RP1: variants seen among roughly 807,000 people sequenced by gnomAD.
The protein encoded by RP1 is oxygen-regulated protein 1.
Under a neutral mutation model 14.8 loss-of-function variants are expected in RP1, and 16 were observed. The observed-to-expected ratio is 1.08, with a 90% CI of 0.73 to 1.65. The LOEUF is 1.65. Ranked by LOEUF, RP1 falls within the 40% of genes most tolerant of loss-of-function variation. RP1 has a pLI of 0.00. For missense variants in RP1, 2,631 were observed against 2,535.0 expected, an observed-to-expected ratio of 1.04 and a Z score of -0.81; for synonymous variants, 876 against 883.6, an observed-to-expected ratio of 0.99 and a Z score of 0.15.
At chr8:54,599,300 T>A (rs1000377884) in intron 1 of RP1, among the ~76,000 whole-genome samples, 2 of 152,182 alleles carry the variant, frequency 1.3e-5, no homozygotes, top group Non-Finnish European at 2.9e-5. Context: ...TCCATTTGGT[T>A]CTTCTTTATA....
At chr8:54,812,421 G>A (rs1003495413) in intron 24 of RP1, among the ~76,000 whole-genome samples, 9 of 152,128 alleles carry the variant, frequency 5.9e-5, no homozygotes, top group Admixed American at 3.9e-4. Context: ...GATTACAGGC[G>A]TGAGCCACTG....
chr8:54,584,099 T>C (rs1276415560), intron 1 of RP1, among the ~76,000 whole-genome samples: 1 of 152,186 alleles, frequency 6.6e-6, no homozygotes, highest in Non-Finnish European at 1.5e-5. Context: ...TGTTAGGGTG[T>C]CAATTTTAGA....
At chr8:54,809,343 G>A (rs952792742) in intron 24 of RP1, among the ~76,000 whole-genome samples, 2 of 152,162 alleles carry the variant, frequency 1.3e-5, no homozygotes, top group African/African-American at 4.8e-5. Flanking sequence ...ATCTGTGGGA[G>A]TTATGTATAT....
intron 24 of RP1, among the ~76,000 whole-genome samples, chr8:54,807,992 C>T (rs986507475): frequency 3.4e-5 from 5 of 146,766 alleles, no homozygotes; most frequent in African/African-American, 1.0e-4. Flanking sequence ...AAAAAAAAAA[C>T]ACCTTCTCAG....
chr8:54,854,742 G>A (rs1425143537), intron 26 of RP1, among the ~76,000 whole-genome samples: 1 of 152,142 alleles, frequency 6.6e-6, no homozygotes, highest in Non-Finnish European at 1.5e-5. Context: ...GCAGGCGCCT[G>A]TAGTCTCAGC....
exon 5 of RP1, chr8:54,652,844 C>T (rs1806683806): frequency 1.3e-5 from 20 of 1,535,560 alleles, no homozygotes; most frequent in Non-Finnish European, 1.6e-5. Context: ...TCTGGATCCT[C>T]CCCTTCCTGG....
chr8:54,870,807 A>G (rs1178091537), exon 29 of RP1: 1 of 152,128 alleles, frequency 6.6e-6, no homozygotes, highest in African/African-American at 2.4e-5. Context: ...CATCACCCAC[A>G]TTTTGCAGAT....
At chr8:54,764,957 A>C (rs558498533) in intron 22 of RP1, among the ~76,000 whole-genome samples, 1 of 152,234 alleles carries the variant, frequency 6.6e-6, no homozygotes, top group East Asian at 1.9e-4. Flanking sequence ...TTTTTAAGCA[A>C]AATGCAGTTT....
chr8:54,701,263 C>T (rs1808009340), intron 13 of RP1, among the ~76,000 whole-genome samples: 1 of 152,096 alleles, frequency 6.6e-6, no homozygotes, highest in Non-Finnish European at 1.5e-5. Flanking sequence ...TTCCAACATT[C>T]TTCCATGGAT....
chr8:54,605,768 G>C (rs1362748430), intron 1 of RP1, among the ~76,000 whole-genome samples: 1 of 152,160 alleles, frequency 6.6e-6, no homozygotes, highest in Admixed American at 6.5e-5. Flanking sequence ...TCTTCTTGTT[G>C]AATTGATCCC....
At chr8:54,670,534 CAT>C (rs1293066560) in intron 7 of RP1, among the ~76,000 whole-genome samples, 2 of 101,462 alleles carry the variant, frequency 2.0e-5, no homozygotes, top group South Asian at 2.9e-4. Flanking sequence ...TATATATATA[CAT>C]ATATATGTAT....
At chr8:54,659,588 C>A (rs1054196220) in intron 6 of RP1, among the ~76,000 whole-genome samples, 3 of 152,134 alleles carry the variant, frequency 2.0e-5, no homozygotes, top group South Asian at 2.1e-4. Context: ...ATTAGTCTGT[C>A]TATCTTTATC....
chr8:54,859,462 T>C (rs532446398), intron 27 of RP1, among the ~76,000 whole-genome samples: 1 of 151,020 alleles, frequency 6.6e-6, no homozygotes, highest in East Asian at 2.0e-4. Context: ...GGTGTCACTG[T>C]AGCAGTGTCA....
At chr8:54,583,273 G>A (rs188586526) in intron 1 of RP1, among the ~76,000 whole-genome samples, 12 of 152,154 alleles carry the variant, frequency 7.9e-5, no homozygotes, top group African/African-American at 2.2e-4. Flanking sequence ...GGTTTTTGTC[G>A]TTGGTTCTGT....
intron 1 of RP1, among the ~76,000 whole-genome samples, chr8:54,620,058 A>G (rs1280633782): frequency 2.0e-5 from 3 of 152,206 alleles, no homozygotes; most frequent in Admixed American, 6.5e-5. Flanking sequence ...AAATTGTGCA[A>G]TAATACCTGC....
chr8:54,656,049 T>C, intron 5 of RP1: 2 of 1,443,578 alleles, frequency 1.4e-6, no homozygotes, highest in Non-Finnish European at 1.8e-6. Flanking sequence ...AAAGCATTCC[T>C]ACATTTTTAA....
chr8:54,633,274 C>T (rs1172787567), downstream of RP1, among the ~76,000 whole-genome samples: 2 of 152,142 alleles, frequency 1.3e-5, no homozygotes, highest in Non-Finnish European at 2.9e-5. Flanking sequence ...CAAGAATCAT[C>T]AGAGTTGATT....
intron 23 of RP1, among the ~76,000 whole-genome samples, chr8:54,782,322 T>C (rs1042073982): frequency 3.3e-5 from 5 of 152,172 alleles, no homozygotes; most frequent in Admixed American, 1.3e-4. Flanking sequence ...TTATGCAAAA[T>C]TTATTTGATG....
chr8:54,746,753 T>C (rs1321571956), intron 19 of RP1, among the ~76,000 whole-genome samples: 4 of 152,234 alleles, frequency 2.6e-5, no homozygotes, highest in East Asian at 3.8e-4. Flanking sequence ...AGATGTTTAA[T>C]TTCTAAAAAG....
Sources: allele counts gnomAD v4.1 joint callset (sites outside exome capture counted in the v4.1 genomes callset), GRCh38; gene constraint gnomAD v4.1.1; transcripts MANE v1.5; gene names NCBI Gene and HGNC (gene_info 2026-07-23, HGNC 2026-07-21).